Variants in LRPPRC observed in about 807,000 individuals in gnomAD.
LRPPRC encodes the protein leucine rich pentatricopeptide repeat containing.
A neutral mutation model predicts 180.3 loss-of-function variants in LRPPRC; 120 were observed. The observed-to-expected ratio is 0.67, with a 90% CI of 0.57 to 0.77. LRPPRC has a LOEUF of 0.77. Ranked by LOEUF, LRPPRC falls within the 30% of genes least tolerant of loss-of-function variation. LRPPRC has a pLI of 0.00. For synonymous variants in LRPPRC, 723 were observed against 600.0 expected (o/e 1.21, Z -3.00); for missense variants, 2,012 against 1,657.2 (o/e 1.21, Z -3.72).
At chr2:43,966,518 C>A (rs895622402) in intron 11 of LRPPRC, among the ~76,000 whole-genome samples, 8 of 151,670 alleles carry the variant, frequency 5.3e-5, no homozygotes, top group African/African-American at 1.9e-4. Context: ...TCAAGCGATT[C>A]TTCTGCCTCA....
rs1048707334 is a variant in LRPPRC at position 43,947,351 on chromosome 2, G to C, written c.1985C>G (p.Ser662Cys). Residue 662 changes from serine (S) to cysteine (C), a missense_variant, in exon 20 of 38, where the codon TCT (serine) becomes TGT (cysteine). Coordinates refer to ENST00000260665, the MANE Select transcript of LRPPRC (RefSeq NM_133259.4). ...TGTTTCAAGTGTGGACTCCAATTCA[G>C]ATGATGTAAGTTGCACAGTCTACAG... ...DFQKTVQLTS[S>C]ELESTLETLK... 2 of 1,586,080 alleles carry C rather than the reference G, an allele frequency of 1.3e-6. No individual in the cohort carries two copies. Among genetic ancestry groups the C allele is most frequent in the African/African-American group, 1.3e-5 (1 of 74,360 alleles).
intron 25 of LRPPRC, among the ~76,000 whole-genome samples, chr2:43,928,696 T>C (rs1671977114): frequency 6.6e-6 from 1 of 151,786 alleles, no homozygotes; most frequent in African/African-American, 2.4e-5. Context: ...GGCTGCGGTG[T>C]GTTATGATTG....
At chr2:43,944,079 C>T (rs1007672128) in intron 22 of LRPPRC, among the ~76,000 whole-genome samples, 185 bp from the exon 23 acceptor site, 2 of 152,064 alleles carry the variant, frequency 1.3e-5, no homozygotes, top group African/African-American at 2.4e-5. Flanking sequence ...ATGGTTTTAT[C>T]ATTTCCCTGC....
intron 37 of LRPPRC, among the ~76,000 whole-genome samples, chr2:43,889,326 A>G (rs1670395240): frequency 6.6e-6 from 1 of 150,550 alleles, no homozygotes; most frequent in Non-Finnish European, 1.5e-5. Context: ...AAAAAAAAAA[A>G]AAAAAAAAAA....
chr2:43,889,246 C>T (rs1361101278), intron 37 of LRPPRC, among the ~76,000 whole-genome samples: 2 of 119,236 alleles, frequency 1.7e-5, no homozygotes, highest in African/African-American at 6.4e-5. Flanking sequence ...ACCTGGGAGG[C>T]GGAGGTTGCA....
At position 43,918,368 on chromosome 2, in the gene LRPPRC, G is replaced by A; in HGVS notation, c.2927C>T (p.Ala976Val). 6.2e-7 allele frequency: 1 copy of A among 1,610,068 alleles called. No individual in the cohort carries two copies. Among genetic ancestry groups the A allele is most frequent in the Non-Finnish European group, 8.5e-7 (1 of 1,176,392 alleles). Residue 976 changes from alanine to valine, a missense_variant, in exon 28 of 38, where the codon GCA becomes GTA. Transcript: ENST00000260665. ...KINGDWQRAD[A>V]VWNKIQEENV... The stretch of plus-strand genomic sequence containing the variant: ...TTCTTCTTGGATTTTATTCCAGACT[G>A]CATCAGCTCTTTGCCAGTCACCGTT...
chr2:43,895,700 G>A (rs1186896178), intron 35 of LRPPRC, among the ~76,000 whole-genome samples: 1 of 152,118 alleles, frequency 6.6e-6, no homozygotes, highest in Non-Finnish European at 1.5e-5. Flanking sequence ...AGAAATTCAG[G>A]AAAACGTAGA....
chr2:43,904,660 T>A (rs1173719125), intron 31 of LRPPRC: 1 of 142,568 alleles, frequency 7.0e-6, no homozygotes, highest in Non-Finnish European at 1.5e-5. Flanking sequence ...ACCACTGTAC[T>A]CTAGCCTGGG....
chr2:43,943,995 G>T lies in LRPPRC; in HGVS notation c.2297-101C>A, dbSNP rs760427790. On this transcript the variant is annotated intron_variant, in intron 22 of 37. Transcript: ENST00000260665. Reference sequence around the variant, plus strand: ...AAGCCCAGCAGGAATGTAAATTCTAGTGTATAATGCCGATTTCAAGTTAAT... The same window carrying T: ...AAGCCCAGCAGGAATGTAAATTCTATTGTATAATGCCGATTTCAAGTTAAT... 4.9e-6 allele frequency: 4 copies of T among 816,250 alleles called. No individual in the cohort carries two copies. In the Admixed American group the frequency reaches 5.9e-5, roughly 12 times the overall value. The allele number at this position is 816,250 out of a possible 1,614,324, so 50.6% of individuals were successfully genotyped here.
At position 43,935,855 on chromosome 2, in the gene LRPPRC, G is replaced by T. The variant is rs548917805; in HGVS notation, c.2505-977C>A. On this transcript the variant is annotated intron_variant, in intron 23 of 37. Transcript: ENST00000260665. ...AGACCAGGTGCGGTGGCTCATGCCT[G>T]TAATCCCAGCACTTTGGGAGGCCAA... Among the ~76,000 whole-genome samples, 198 of 152,360 alleles carry T rather than the reference G, an allele frequency of 1.3e-3. 3 individuals carry two copies. Among genetic ancestry groups the T allele is most frequent in the African/African-American group, 4.5e-3 (186 of 41,592 alleles).
At chr2:43,966,498 C>T (rs1232896016) in intron 11 of LRPPRC, among the ~76,000 whole-genome samples, 1 of 151,762 alleles carries the variant, frequency 6.6e-6, no homozygotes, top group East Asian at 2.0e-4. Context: ...GCAACCTCCA[C>T]CTCCTGGGTT....
At chr2:43,906,200 G>T (rs1671062678) in intron 30 of LRPPRC, among the ~76,000 whole-genome samples, 2 of 151,894 alleles carry the variant, frequency 1.3e-5, no homozygotes, top group African/African-American at 4.8e-5. Context: ...TTTATTTTCA[G>T]CACTGTACAT....
intron 1 of LRPPRC, among the ~76,000 whole-genome samples, chr2:43,982,685 C>T (rs1317667023): frequency 6.6e-6 from 1 of 152,110 alleles, no homozygotes; most frequent in Non-Finnish European, 1.5e-5. Flanking sequence ...TAACTTTGAA[C>T]ATGGAATGAT....
intron 21 of LRPPRC, among the ~76,000 whole-genome samples, chr2:43,945,833 T>A (rs1163385463): frequency 6.6e-6 from 1 of 152,102 alleles, no homozygotes; most frequent in Non-Finnish European, 1.5e-5. Context: ...CTTAAAACAG[T>A]TACCACCATC....
At chr2:43,974,379 A>C in intron 8 of LRPPRC, 84 bp from the exon 9 acceptor site, 1 of 1,056,970 alleles carries the variant, frequency 9.5e-7, no homozygotes, top group African/African-American at 1.6e-5. Flanking sequence ...CTGAAGACAA[A>C]ATAAGAATTG....
intron 14 of LRPPRC, among the ~76,000 whole-genome samples, chr2:43,954,904 A>G (rs1188219587): frequency 1.3e-5 from 2 of 152,226 alleles, no homozygotes; most frequent in Non-Finnish European, 2.9e-5. Context: ...GATGAGTAGT[A>G]TGTAAAGTAT....
chr2:43,976,911 G>C, intron 5 of LRPPRC, 83 bp downstream of exon 5: 2 of 1,111,204 alleles, frequency 1.8e-6, no homozygotes, highest in Non-Finnish European at 2.7e-6. Context: ...TTAGGAAGAA[G>C]CTTTAAAACA....
chr2:43,947,506 G>C, intron 19 of LRPPRC, 136 bp from the exon 20 acceptor site: 1 of 658,876 alleles, frequency 1.5e-6, no homozygotes, highest in Non-Finnish European at 2.7e-6. Context: ...TATTAATTGG[G>C]GAATCCATGG....
Position 43,979,867 on chromosome 2 carries a change from G to C in LRPPRC, c.428C>G (p.Thr143Arg), listed in dbSNP as rs150986623. ...LLPELKLEER[T>R]EFAHRIWDTL... ...GTCCCATATCCTATGAGCAAATTCT[G>C]TTCTCTCTTCAAGCTTTAGTTCAGG... Residue 143 changes from threonine (T) to arginine (R), a missense_variant, in exon 3 of 38, where the codon ACA (threonine) becomes AGA (arginine). Thr to Arg is a moderately conservative substitution (Grantham distance 71, BLOSUM62 -1). Coordinates refer to ENST00000260665, the MANE Select transcript of LRPPRC (RefSeq NM_133259.4). 1.9e-6 allele frequency: 3 copies of C among 1,613,238 alleles called. No individual in the cohort carries two copies. The African/African-American group carries it at 4.0e-5, about 22-fold the overall frequency.
Sources: allele counts gnomAD v4.1 joint callset (sites outside exome capture counted in the v4.1 genomes callset), GRCh38; gene constraint gnomAD v4.1.1; transcripts MANE v1.5; gene names NCBI Gene and HGNC (gene_info 2026-07-23, HGNC 2026-07-21).